Variants in CTNNA3 observed in about 807,000 individuals in gnomAD.
The protein encoded by CTNNA3 is catenin alpha 3.
CTNNA3 carries 76 observed loss-of-function variants against 95.7 expected under a neutral mutation model. The observed-to-expected ratio is 0.79, with a 90% CI of 0.66 to 0.96. The LOEUF (loss-of-function observed/expected upper bound fraction) is 0.96. Among genes scored for constraint, CTNNA3 ranks in the 40% least tolerant of loss-of-function variants. CTNNA3 has a pLI of 0.00. For missense variants in CTNNA3, 1,191 were observed against 1,089.8 expected (o/e 1.09, Z -1.31); for synonymous variants, 431 against 374.4 (o/e 1.15, Z -1.74).
At position 65,999,927 on chromosome 10, in the gene CTNNA3, C is replaced by CAA. The variant is rs34353272; in HGVS notation, c.2160-11132_2160-11131dup. Among the ~76,000 whole-genome samples the CAA allele has an allele frequency of 7.3e-3, 939 of 127,804 alleles. 11 individuals carry two copies. Among genetic ancestry groups the CAA allele is most frequent in the African/African-American group, 0.025 (892 of 35,500 alleles). 83.8% of individuals were successfully genotyped at this position (127,804 alleles called of 152,430 possible). On this transcript the variant is annotated intron_variant, in intron 15 of 17. Transcript: ENST00000433211. ...AATAAACAGTGGTTACAATAATAAT[C>CAA]AAAAAAAAAAAAAAGCAGATCAGAC...
Position 67,566,259 on chromosome 10 carries a change from C to T in CTNNA3, c.293-26590G>A, listed in dbSNP as rs1239276083. Among the ~76,000 whole-genome samples the T allele has an allele frequency of 8.2e-4, 117 of 142,320 alleles. 6 individuals are homozygous for T. The highest frequency in any genetic ancestry group is 3.8e-3 in the South Asian group (15 of 3,994). The allele number at this position is 142,320 out of a possible 152,430, so 93.4% of individuals were successfully genotyped here. A position where few individuals can be genotyped will look rare whatever the true frequency, so the allele number is the denominator to read the frequency against. On this transcript the variant is annotated intron_variant, in intron 3 of 17. Coordinates refer to ENST00000433211, the MANE Select transcript of CTNNA3 (RefSeq NM_013266.4). ...AACCTACAGAATGGGAGAAAATTTT[C>T]GCAACCTACTCATCTGACAAAGGGC...
chr10:67,595,001 G>T (rs1021488675), intron 3 of CTNNA3, among the ~76,000 whole-genome samples: 2 of 152,118 alleles, frequency 1.3e-5, no homozygotes, highest in Admixed American at 1.3e-4. Flanking sequence ...CCATTCCTGA[G>T]TTACTTCCCT....
chr10:66,820,578 G>C (rs1272745172), intron 7 of CTNNA3, among the ~76,000 whole-genome samples: 2 of 150,682 alleles, frequency 1.3e-5, no homozygotes, highest in African/African-American at 2.4e-5. Context: ...ATAAATATTT[G>C]CTGAATGGCT....
At chr10:67,389,483 T>C (rs1157233035) in intron 5 of CTNNA3, among the ~76,000 whole-genome samples, 1 of 152,010 alleles carries the variant, frequency 6.6e-6, no homozygotes, top group Non-Finnish European at 1.5e-5. Context: ...CACCCCACTG[T>C]CAACATTAGA....
At chr10:66,605,573 C>T (rs1411424543) in intron 10 of CTNNA3, among the ~76,000 whole-genome samples, 2 of 152,032 alleles carry the variant, frequency 1.3e-5, no homozygotes, top group Non-Finnish European at 2.9e-5. Context: ...GCCAGGTAAC[C>T]TACAAAGGGA....
intron 5 of CTNNA3, among the ~76,000 whole-genome samples, chr10:67,319,896 C>CA (rs11418140): frequency 0.72 from 74,139 of 102,860 alleles, 27,733 homozygotes; most frequent in East Asian, 0.87. Context: ...GACTCAGTCT[C>CA]AAAAAAAAAA....
chr10:67,443,130 AT>A (rs200623194), intron 5 of CTNNA3, among the ~76,000 whole-genome samples: 12,542 of 148,492 alleles, frequency 0.084, 532 homozygotes, highest in Non-Finnish European at 0.098. Flanking sequence ...TGAACTCATC[AT>A]TTTTTATGGC....
intron 4 of CTNNA3, among the ~76,000 whole-genome samples, chr10:67,533,595 C>G (rs1393823441): frequency 6.6e-6 from 1 of 152,146 alleles, no homozygotes; most frequent in African/African-American, 2.4e-5. Context: ...CAAAAGAACA[C>G]ACACATTTCC....
At chr10:67,171,841 T>A (rs1341059495) in intron 7 of CTNNA3, among the ~76,000 whole-genome samples, 1 of 152,170 alleles carries the variant, frequency 6.6e-6, no homozygotes, top group Non-Finnish European at 1.5e-5. Flanking sequence ...CAAGATGATA[T>A]GAGGGACTCA....
chr10:66,951,318 G>T (rs939401770), intron 7 of CTNNA3, among the ~76,000 whole-genome samples: 1 of 151,998 alleles, frequency 6.6e-6, no homozygotes, highest in African/African-American at 2.4e-5. Context: ...GTTTCACCAT[G>T]TTGGCCAGGC....
At chr10:66,873,032 T>A (rs1304477478) in intron 7 of CTNNA3, among the ~76,000 whole-genome samples, 2 of 152,220 alleles carry the variant, frequency 1.3e-5, no homozygotes, top group Non-Finnish European at 2.9e-5. Flanking sequence ...AATTTCATTG[T>A]TTCTTATAGC....
At chr10:66,868,063 A>G (rs1446572801) in intron 7 of CTNNA3, among the ~76,000 whole-genome samples, 9 of 149,832 alleles carry the variant, frequency 6.0e-5, no homozygotes. Flanking sequence ...ATTGCTATAT[A>G]AAACTATAAT....
At position 67,230,864 on chromosome 10, in the gene CTNNA3, A is replaced by C. The variant is rs543400603; in HGVS notation, c.580-10994T>G. Among the ~76,000 whole-genome samples the C allele has an allele frequency of 1.2e-3, 184 of 152,296 alleles. 1 individual carries two copies. Among genetic ancestry groups the C allele is most frequent in the Non-Finnish European group, 2.2e-3 (148 of 68,020 alleles). ...GGGTGAGGCATTGCCTCACTCGGGA[A>C]GCGCAGGGGGTCAGGGAGTTCCCTT... On this transcript the variant is annotated intron_variant, in intron 5 of 17. Coordinates refer to ENST00000433211, the MANE Select transcript of CTNNA3 (RefSeq NM_013266.4).
intron 9 of CTNNA3, among the ~76,000 whole-genome samples, chr10:66,691,449 C>T (rs926540935): frequency 6.6e-6 from 1 of 152,196 alleles, no homozygotes; most frequent in African/African-American, 2.4e-5. Flanking sequence ...GTAAACAAAG[C>T]ATCCGGGAAG....
chr10:66,139,400 G>A (rs1419383263), intron 13 of CTNNA3, among the ~76,000 whole-genome samples: 5 of 152,094 alleles, frequency 3.3e-5, no homozygotes, highest in Non-Finnish European at 4.4e-5. Context: ...TCATATGAAT[G>A]GCTTACAACC....
chr10:66,028,906 A>C (rs2133450300), intron 15 of CTNNA3, among the ~76,000 whole-genome samples: 1 of 152,194 alleles, frequency 6.6e-6, no homozygotes, highest in South Asian at 2.1e-4. Flanking sequence ...TGCAGTGGGG[A>C]AAAAAACAAA....
At chr10:67,325,052 G>GC (rs1330976192) in intron 5 of CTNNA3, among the ~76,000 whole-genome samples, 30 of 152,032 alleles carry the variant, frequency 2.0e-4, no homozygotes, top group African/African-American at 7.0e-4. Flanking sequence ...CTCTCTGATT[G>GC]TTATTTGTAT....
At chr10:67,406,607 C>G (rs1845146205) in intron 5 of CTNNA3, among the ~76,000 whole-genome samples, 1 of 151,740 alleles carries the variant, frequency 6.6e-6, no homozygotes, top group South Asian at 2.1e-4. Flanking sequence ...ACATGAAAAA[C>G]CTTTCAAAAG....
At chr10:66,444,936 G>A (rs11497943) in intron 11 of CTNNA3, among the ~76,000 whole-genome samples, 62,226 of 151,538 alleles carry the variant, frequency 0.41, 13,821 homozygotes, top group East Asian at 0.6. Context: ...CCCATCTCAC[G>A]TGCAGAGACA....
Sources: gnomAD v4.1 joint callset for allele counts (sites outside exome capture counted in the v4.1 genomes callset) on GRCh38, gnomAD v4.1.1 for gene constraint, MANE v1.5 for transcripts, NCBI Gene and HGNC (gene_info 2026-07-23, HGNC 2026-07-21) for gene names.